The following TULP4 variants were observed in gnomAD, a reference collection of about 807,000 sequenced individuals.
TULP4 encodes the protein tubby-related protein 4.
A neutral mutation model predicts 129.0 loss-of-function variants in TULP4; 16 were observed. The ratio of observed to expected loss-of-function variants is 0.12; its 90% CI spans 0.08 to 0.19. The LOEUF is 0.19. Among genes scored for constraint, TULP4 ranks in the 10% least tolerant of loss-of-function variants. TULP4 has a pLI of 1.00. For synonymous variants in TULP4, 998 were observed against 854.0 expected (o/e 1.17, Z -2.94); for missense variants, 1,842 against 2,059.1 (o/e 0.89, Z 2.04).
At chr6:158,459,838 A>G (rs1412692556) in intron 5 of TULP4, among the ~76,000 whole-genome samples, 1 of 152,094 alleles carries the variant, frequency 6.6e-6, no homozygotes, top group Non-Finnish European at 1.5e-5. Context: ...TGTGTGCCCA[A>G]AGCTGCTCTC....
chr6:158,328,884 C>T (rs1779809968), intron 1 of TULP4, among the ~76,000 whole-genome samples: 1 of 152,168 alleles, frequency 6.6e-6, no homozygotes, highest in African/African-American at 2.4e-5. Context: ...GGGTTTTAGT[C>T]AGAAACACAG....
chr6:158,452,497 C>G lies in TULP4; in HGVS notation c.859+229C>G, dbSNP rs189898507. 8.5e-5 allele frequency among the ~76,000 whole-genome samples: 13 copies of G among 152,324 alleles called. No homozygotes were observed. The East Asian group carries it at 2.5e-3, about 29-fold the overall frequency. On this transcript the variant is annotated intron_variant, in intron 5 of 13. Coordinates refer to ENST00000367097, the MANE Select transcript of TULP4 (RefSeq NM_020245.5). ...GAGATTCCTGACATTCAGTCTTTGTCTTAGCCTGCTCTTTTCCTCACTATG... is the reference window on the plus strand; with the variant it reads ...GAGATTCCTGACATTCAGTCTTTGTGTTAGCCTGCTCTTTTCCTCACTATG...
At chr6:158,380,885 C>T (rs1346759108) in intron 1 of TULP4, among the ~76,000 whole-genome samples, 3 of 90,210 alleles carry the variant, frequency 3.3e-5, no homozygotes, top group East Asian at 5.2e-4. Flanking sequence ...CAGAGCAAGA[C>T]TCTGTCTCCA....
At chr6:158,504,826 C>A (rs1780561917) in intron 13 of TULP4, among the ~76,000 whole-genome samples, 1 of 152,164 alleles carries the variant, frequency 6.6e-6, no homozygotes, top group Non-Finnish European at 1.5e-5. Context: ...GTTTCTACTT[C>A]TGTTCATTGA....
chr6:158,383,723 G>T (rs1777378063), intron 1 of TULP4, among the ~76,000 whole-genome samples: 1 of 152,222 alleles, frequency 6.6e-6, no homozygotes, highest in South Asian at 2.1e-4. Flanking sequence ...ACCTGGGCCA[G>T]CTTCTCGGGG....
chr6:158,323,484 C>T (rs1779680782), intron 1 of TULP4, among the ~76,000 whole-genome samples: 1 of 152,172 alleles, frequency 6.6e-6, no homozygotes, highest in South Asian at 2.1e-4. Context: ...TGCAACTCTT[C>T]TGGTAAAGCA....
At chr6:158,500,083 A>G (rs1213613362) in intron 12 of TULP4, among the ~76,000 whole-genome samples, 1 of 152,088 alleles carries the variant, frequency 6.6e-6, no homozygotes, top group Admixed American at 6.5e-5. Context: ...CTTTCCCCTT[A>G]ACGCTTTCCC....
chr6:158,479,397 T>G (rs1779889233), intron 6 of TULP4, among the ~76,000 whole-genome samples: 1 of 152,254 alleles, frequency 6.6e-6, no homozygotes, highest in South Asian at 2.1e-4. Context: ...AATGCTTTAA[T>G]GCTCTGGCCT....
chr6:158,338,471 T>C (rs1278112734), intron 1 of TULP4, among the ~76,000 whole-genome samples: 2 of 152,208 alleles, frequency 1.3e-5, no homozygotes, highest in African/African-American at 4.8e-5. Flanking sequence ...GAAGTGCATG[T>C]CTCAGTCTGC....
At chr6:158,393,006 C>G (rs1401561823) in intron 1 of TULP4, among the ~76,000 whole-genome samples, 5 of 102,684 alleles carry the variant, frequency 4.9e-5, no homozygotes, top group Non-Finnish European at 1.1e-4. Context: ...AAAAAATCAA[C>G]AACAAGTGAG....
At chr6:158,371,891 T>C (rs745465802) in intron 1 of TULP4, among the ~76,000 whole-genome samples, 27 of 152,204 alleles carry the variant, frequency 1.8e-4, no homozygotes, top group Non-Finnish European at 3.7e-4. Context: ...TTCAGCTCAC[T>C]GCAGCCTCAA....
intron 1 of TULP4, among the ~76,000 whole-genome samples, chr6:158,240,531 C>A (rs1777865344): frequency 1.0e-5 from 1 of 97,242 alleles, no homozygotes; most frequent in Admixed American, 1.1e-4. Context: ...CTGACCCCCC[C>A]ACCTCCCTCC....
chr6:158,368,354 G>A (rs1044780851), intron 1 of TULP4, among the ~76,000 whole-genome samples: 8 of 152,190 alleles, frequency 5.3e-5, no homozygotes, highest in Admixed American at 5.2e-4. Context: ...CCAGGCTGGA[G>A]TGCAGTGGCG....
intron 2 of TULP4, among the ~76,000 whole-genome samples, chr6:158,422,108 A>G (rs917802900): frequency 6.6e-6 from 1 of 152,210 alleles, no homozygotes; most frequent in Non-Finnish European, 1.5e-5. Flanking sequence ...TGAAAGAAAA[A>G]GTAAGAAATA....
At chr6:158,342,817 T>A (rs1041962719) in intron 1 of TULP4, among the ~76,000 whole-genome samples, 37 of 152,152 alleles carry the variant, frequency 2.4e-4, no homozygotes, top group African/African-American at 7.7e-4. Context: ...AGGGCTGTTG[T>A]GAGGATTAAG....
Position 158,479,748 on chromosome 6 carries a change from C to A in TULP4, c.1027-3C>A. The A allele has an allele frequency of 6.2e-7, 1 of 1,612,266 alleles. No homozygotes were observed. The highest frequency in any genetic ancestry group is 8.5e-7 in the Non-Finnish European group (1 of 1,178,576). On this transcript the variant is annotated splice_region_variant and splice_polypyrimidine_tract_variant and intron_variant, in intron 6 of 13. Coordinates refer to ENST00000367097, the MANE Select transcript of TULP4 (RefSeq NM_020245.5). ...GCATTGTCTTCCCTTCACTTCCTGC[C>A]AGCGCCCCATCATCTCCATCTGCTG...
At chr6:158,451,949 C>T (rs1315548515) in intron 4 of TULP4, among the ~76,000 whole-genome samples, 185 bp from the exon 5 acceptor site, 1 of 152,162 alleles carries the variant, frequency 6.6e-6, no homozygotes, top group Non-Finnish European at 1.5e-5. Flanking sequence ...TCTGTTAGTG[C>T]CCACTGATGG....
chr6:158,458,361 C>G (rs758910806), intron 5 of TULP4, among the ~76,000 whole-genome samples: 1 of 151,964 alleles, frequency 6.6e-6, no homozygotes, highest in South Asian at 2.1e-4. Context: ...TATCAGAGAC[C>G]GAAAACCCAC....
chr6:158,245,066 G>A (rs1778001778), intron 1 of TULP4, among the ~76,000 whole-genome samples: 1 of 151,842 alleles, frequency 6.6e-6, no homozygotes, highest in Admixed American at 6.6e-5. Flanking sequence ...CATGCTTACT[G>A]CAGCCTGGCC....
Sources: allele counts gnomAD v4.1 joint callset (sites outside exome capture counted in the v4.1 genomes callset), GRCh38; gene constraint gnomAD v4.1.1; transcripts MANE v1.5; gene names NCBI Gene and HGNC (gene_info 2026-07-23, HGNC 2026-07-21).